Variants in PLXNB1 observed in about 807,000 individuals in gnomAD.
PLXNB1 encodes the protein plexin B1, also known as plexin-B1.
A neutral mutation model predicts 209.4 loss-of-function variants in PLXNB1; 106 were observed. That is an observed-to-expected ratio of 0.51 (90% CI 0.43 to 0.59). The LOEUF is 0.59. Ranked by LOEUF, PLXNB1 falls within the 20% of genes least tolerant of loss-of-function variation. PLXNB1 has a pLI of 0.00. For synonymous variants in PLXNB1, 1,167 were observed against 1,183.2 expected (o/e 0.99, Z 0.28); for missense variants, 2,357 against 2,853.2 (o/e 0.83, Z 3.96).
In PLXNB1 at chr3:48,414,063, G is replaced by C; in HGVS notation, c.4218C>G (p.Asn1406Lys). ...PGSVFSVEGE[N>K]LDLAMSKEEV... Reference sequence around the variant, plus strand: ...CCTCCTTGGACATTGCAAGGTCCAGGTTCTCCCCCTGGAACAGAGGGTCAC... The same window carrying C: ...CCTCCTTGGACATTGCAAGGTCCAGCTTCTCCCCCTGGAACAGAGGGTCAC... Residue 1406 changes from asparagine (N) to lysine (K), a missense_variant, in exon 22 of 38, where the codon AAC becomes AAG. Coordinates refer to ENST00000296440, the MANE Select transcript of PLXNB1 (RefSeq NM_001130082.3). 1.9e-6 allele frequency: 3 copies of C among 1,613,756 alleles called. No homozygotes were observed. The highest frequency in any genetic ancestry group is 2.5e-6 in the Non-Finnish European group (3 of 1,179,860).
chr3:48,426,079 C>T (rs1229215393), intron 1 of PLXNB1, among the ~76,000 whole-genome samples: 1 of 152,160 alleles, frequency 6.6e-6, no homozygotes, highest in African/African-American at 2.4e-5. Flanking sequence ...TGGAGCCCTA[C>T]GTACTAGAGA....
chr3:48,405,856 G>C lies in PLXNB1; in HGVS notation c.6229-58C>G, dbSNP rs548636081. On this transcript the variant is annotated intron_variant, in intron 36 of 37. Coordinates refer to ENST00000296440, the MANE Select transcript of PLXNB1 (RefSeq NM_001130082.3). This position sits in a 1 kb window ranked among gnomAD's most constrained non-coding sequence, Gnocchi z 5.0. ...ACGAGGGGTGCAGAGAGCCACAGGA[G>C]GCAGCCCAGGACCCCAGGGAAGGGC... The C allele has an allele frequency of 4.3e-6, 6 of 1,406,730 alleles. No individual in the cohort carries two copies. The highest frequency in any genetic ancestry group is 5.0e-6 in the Non-Finnish European group (5 of 998,310). The allele number at this position is 1,406,730 out of a possible 1,614,324, so 87.1% of individuals were successfully genotyped here. A position where few individuals can be genotyped will look rare whatever the true frequency, so the allele number is the denominator to read the frequency against.
chr3:48,414,697 C>T (rs906025836), intron 21 of PLXNB1, 102 bp downstream of exon 21: 52 of 1,409,520 alleles, frequency 3.7e-5, no homozygotes, highest in Middle Eastern at 2.5e-4. Context: ...GTCCATCCAC[C>T]GGCCCTTGCT....
chr3:48,406,944 C>A lies in PLXNB1; in HGVS notation c.6153-46G>T. The A allele has an allele frequency of 2.5e-6, 4 of 1,607,568 alleles. No homozygotes were observed. Among genetic ancestry groups the A allele is most frequent in the Non-Finnish European group, 3.4e-6 (4 of 1,174,512 alleles). On this transcript the variant is annotated intron_variant, in intron 35 of 37. Transcript: ENST00000296440. This position sits in a 1 kb window ranked among gnomAD's most constrained non-coding sequence, Gnocchi z 4.4. ...AGCAGCTGCTGGGTAAACAAGCCCA[C>A]TCCCCTGCTCCCAACCAGAGCCCAC...
In PLXNB1 at chr3:48,412,018, G is replaced by A. The variant is rs1426305841; in HGVS notation, c.5101-9C>T. 6.2e-7 allele frequency: 1 copy of A among 1,613,600 alleles called. No individual in the cohort carries two copies. The highest frequency in any genetic ancestry group is 1.3e-5 in the African/African-American group (1 of 74,926). The stretch of plus-strand genomic sequence containing the variant: ...GGCTCCCCTACGGAGTCCTAGGAGA[G>A]CACAGGCAGTTAGGGCCCCCCAGCA... On this transcript the variant is annotated splice_polypyrimidine_tract_variant and intron_variant, in intron 27 of 37. Transcript: ENST00000296440.
At position 48,423,781 on chromosome 3, in the gene PLXNB1, C is replaced by G; in HGVS notation, c.831G>C (p.Gln277His). 1 of 1,613,990 alleles carries G rather than the reference C, an allele frequency of 6.2e-7. No individual in the cohort carries two copies. Among genetic ancestry groups the G allele is most frequent in the Non-Finnish European group, 8.5e-7 (1 of 1,179,998 alleles). The change falls in exon 3 of 38, where the codon CAG (glutamine) becomes CAC (histidine). Residue 277 changes from glutamine (Q) to histidine (H), a missense_variant. By Grantham distance (24) the Gln-to-His change is conservative. This residue lies in a region of PLXNB1 where 404 missense variants were observed against 443.6 expected (regional missense o/e 0.91). Transcript: ENST00000296440. ...CCCTGGACGTGGCCACAGCTGCAGC[C>G]TGGATCAGCCCGTAGCGGCCACCTT... is the stretch of plus-strand genomic sequence containing the variant. ...ACEGGRYGLI[Q>H]AAAVATSREV...
chr3:48,422,579 T>C, intron 4 of PLXNB1, 120 bp from the exon 5 acceptor site: 1 of 1,331,008 alleles, frequency 7.5e-7, no homozygotes, highest in Non-Finnish European at 1.0e-6. Context: ...CAGTCACAGG[T>C]CATACCAACT....
Position 48,410,656 on chromosome 3 carries a change from T to C in PLXNB1, c.5417-98A>G. 9.2e-7 allele frequency: 1 copy of C among 1,085,224 alleles called. No individual in the cohort carries two copies. The highest frequency in any genetic ancestry group is 1.4e-6 in the Non-Finnish European group (1 of 724,812). The allele number at this position is 1,085,224 out of a possible 1,614,324, so 67.2% of individuals were successfully genotyped here. ...CACAGGGACACCAGCCCCTCCATCA[T>C]GGGGCAGCCTTACTCAACCTCTCCA... is the stretch of plus-strand genomic sequence containing the variant. On this transcript the variant is annotated intron_variant, in intron 29 of 37. Transcript: ENST00000296440. The surrounding 1 kb of genome is among the most constrained non-coding windows in gnomAD (Gnocchi z 6.4).
At position 48,412,423 on chromosome 3, in the gene PLXNB1, C is replaced by A. The variant is rs1273451006; in HGVS notation, c.5033+19G>T. On this transcript the variant is annotated intron_variant, in intron 26 of 37. Transcript: ENST00000296440. Reference sequence around the variant, plus strand: ...CTCCAGCTGTCCAGGGCCCACCCAGCCCCAACAGCCACACAGACCTGCGCA... The same window carrying A: ...CTCCAGCTGTCCAGGGCCCACCCAGACCCAACAGCCACACAGACCTGCGCA... 2 of 1,612,352 alleles carry A rather than the reference C, an allele frequency of 1.2e-6. No individual in the cohort carries two copies. Among genetic ancestry groups the A allele is most frequent in the Non-Finnish European group, 1.7e-6 (2 of 1,179,148 alleles).
intron 37 of PLXNB1, 46 bp from the exon 38 acceptor site, chr3:48,404,636 G>A (rs780228969): frequency 5.2e-6 from 7 of 1,349,536 alleles, no homozygotes; most frequent in South Asian, 2.5e-5. Flanking sequence ...TTTGGCCAAC[G>A]TGTTTGCTGC....
At chr3:48,407,261 G>A (rs1408663138) in intron 34 of PLXNB1, among the ~76,000 whole-genome samples, 170 bp from the exon 35 acceptor site, 2 of 152,014 alleles carry the variant, frequency 1.3e-5, no homozygotes, top group African/African-American at 4.8e-5. Flanking sequence ...GGTCACCCTC[G>A]CCTACTTCCT....
Position 48,410,392 on chromosome 3 carries a change from A to C in PLXNB1, c.5521-12T>G. 2 of 1,612,780 alleles carry C rather than the reference A, an allele frequency of 1.2e-6. No individual in the cohort carries two copies. Among genetic ancestry groups the C allele is most frequent in the Non-Finnish European group, 1.7e-6 (2 of 1,178,966 alleles). ...GCTCCATCTGGGACCTGCTGAGCAC[A>C]GCTGGTGATCCCTCCACCAGTCCCA... On this transcript the variant is annotated splice_polypyrimidine_tract_variant and intron_variant, in intron 30 of 37. Coordinates refer to ENST00000296440, the MANE Select transcript of PLXNB1 (RefSeq NM_001130082.3). This position sits in a 1 kb window ranked among gnomAD's most constrained non-coding sequence, Gnocchi z 6.4.
chr3:48,414,488 G>A (rs1293124655), intron 21 of PLXNB1, among the ~76,000 whole-genome samples: 1 of 152,198 alleles, frequency 6.6e-6, no homozygotes, highest in African/African-American at 2.4e-5. Flanking sequence ...GCCAACGGGG[G>A]TCAGCCCGAT....
In PLXNB1 at chr3:48,423,699, C is replaced by T; in HGVS notation, c.913G>A (p.Val305Met). ...AAFSSAAPPT[V>M]GRPPSAAAGA... is the part of the protein sequence containing the mutation. ...GCAGCCGCCGATGGGGGCCGGCCCA[C>T]AGTGGGGGGTGCAGCCGAGGAGAAA... Residue 305 changes from valine (V) to methionine (M), a missense_variant, in exon 3 of 38, where the codon GTG becomes ATG. By Grantham distance (21) the Val-to-Met change is conservative (BLOSUM62 1). This residue lies in a region of PLXNB1 where 404 missense variants were observed against 443.6 expected (regional missense o/e 0.91). Transcript: ENST00000296440. The T allele has an allele frequency of 3.7e-6, 6 of 1,613,806 alleles. No homozygotes were observed. The highest frequency in any genetic ancestry group is 5.1e-6 in the Non-Finnish European group (6 of 1,179,914).
In PLXNB1 at chr3:48,429,831, G is replaced by T. The variant is rs1435838381; in HGVS notation, c.-60+177C>A. Among the ~76,000 whole-genome samples the T allele has an allele frequency of 6.6e-6, 1 of 151,940 alleles. No homozygotes were observed. The highest frequency in any genetic ancestry group is 2.4e-5 in the African/African-American group (1 of 41,366). The stretch of plus-strand genomic sequence containing the variant: ...AGGCGGGGGGTCGCGCTCCGCACCC[G>T]CAGGTGCTGGTGGAACAGCGTCCCG... On this transcript the variant is annotated intron_variant, in intron 1 of 37. Coordinates refer to ENST00000296440, the MANE Select transcript of PLXNB1 (RefSeq NM_001130082.3). This position sits in a 1 kb window ranked among gnomAD's most constrained non-coding sequence, Gnocchi z 6.4.
In PLXNB1 at chr3:48,413,063, C is replaced by A. The variant is rs747636904; in HGVS notation, c.4636+6G>T. ...TGGAGGGCGGGGCCCATTCTCTCAG[C>A]CACACCTGTGAATTCCTTCTTGCAG... On this transcript the variant is annotated splice_donor_region_variant and intron_variant, in intron 24 of 37. Transcript: ENST00000296440. This position sits in a 1 kb window ranked among gnomAD's most constrained non-coding sequence, Gnocchi z 5.4. 6.2e-7 allele frequency: 1 copy of A among 1,612,930 alleles called. No homozygotes were observed. Among genetic ancestry groups the A allele is most frequent in the East Asian group, 2.2e-5 (1 of 44,888 alleles).
rs1338784494 is a variant in PLXNB1 at position 48,412,875 on chromosome 3, C to G, written c.4721G>C (p.Arg1574Thr). The change falls in exon 25 of 38, where the codon AGG (arginine) becomes ACG (threonine). Residue 1574 changes from arginine (R) to threonine (T), a missense_variant. By Grantham distance (71) the Arg-to-Thr change is moderately conservative. Transcript: ENST00000296440. ...PFLDYKVYAE[R>T]IFFPGHRESP... ...CTCGCGGTGCCCAGGGAAGAAGATCCTCTCCGCATACACCTTGTAGTCGAG... is the reference window on the plus strand; with the variant it reads ...CTCGCGGTGCCCAGGGAAGAAGATCGTCTCCGCATACACCTTGTAGTCGAG... 6.2e-7 allele frequency: 1 copy of G among 1,613,984 alleles called. No homozygotes were observed. Among genetic ancestry groups the G allele is most frequent in the South Asian group, 1.1e-5 (1 of 91,086 alleles).
intron 26 of PLXNB1, 30 bp from the exon 27 acceptor site, chr3:48,412,334 G>A (rs778213990): frequency 3.7e-6 from 6 of 1,613,444 alleles, no homozygotes; most frequent in Non-Finnish European, 5.1e-6. Flanking sequence ...GAGTGCCAGG[G>A]TCAGCAGGTG....
chr3:48,408,181 T>C (rs2037429630), intron 34 of PLXNB1, among the ~76,000 whole-genome samples: 1 of 152,106 alleles, frequency 6.6e-6, no homozygotes, highest in Non-Finnish European at 1.5e-5. Context: ...TGGCTAATTT[T>C]TGTATTTTTT....
Sources: gnomAD v4.1 joint callset for allele counts (sites outside exome capture counted in the v4.1 genomes callset) on GRCh38, gnomAD v4.1.1 for gene constraint, gnomAD v4.1.1 regional missense constraint, Gnocchi (gnomAD v3.1) non-coding constraint, MANE v1.5 for transcripts, NCBI Gene and HGNC (gene_info 2026-07-23, HGNC 2026-07-21) for gene names.